NKAIN1: variants seen among roughly 807,000 people sequenced by gnomAD.
The protein encoded by NKAIN1 is sodium/potassium transporting ATPase interacting 1.
Under a neutral mutation model 31.6 loss-of-function variants are expected in NKAIN1, and 13 were observed. That is an observed-to-expected ratio of 0.41 (90% CI 0.27 to 0.65). NKAIN1 has a LOEUF of 0.65. NKAIN1 is among the 30% of genes least tolerant of loss of function. The probability of loss-of-function intolerance (pLI) is 0.30; values close to 1 mark genes in which losing one functional copy is unlikely to be tolerated. For synonymous variants in NKAIN1, 104 were observed against 109.0 expected (o/e 0.95, Z 0.28); for missense variants, 193 against 262.2 (o/e 0.74, Z 1.82).
intron 4 of NKAIN1, among the ~76,000 whole-genome samples, chr1:31,183,487 T>C (rs1645219453): frequency 6.9e-6 from 1 of 145,626 alleles, no homozygotes; most frequent in African/African-American, 2.6e-5. Context: ...TCGCTCTTGT[T>C]GCCCAGGCTA....
intron 1 of NKAIN1, among the ~76,000 whole-genome samples, chr1:31,205,558 A>C (rs61778329): frequency 0.75 from 112,690 of 150,036 alleles, 42,784 homozygotes; most frequent in Middle Eastern, 0.9. Flanking sequence ...CTGCCCGCCT[A>C]AGTCTCCCAA....
chr1:31,223,161 G>A lies in NKAIN1; in HGVS notation c.54+16333C>T, dbSNP rs183724997. On this transcript the variant is annotated intron_variant, in intron 1 of 6. Transcript: ENST00000373736. ...GGAGGCTGAGGTGGGTGGATCACCC[G>A]AGGTCAGGAGTTTGAGACCAGCCTG... 6.8e-4 allele frequency among the ~76,000 whole-genome samples: 103 copies of A among 152,200 alleles called. 1 individual carries two copies. Among genetic ancestry groups the A allele is most frequent in the African/African-American group, 2.3e-3 (96 of 41,552 alleles).
At chr1:31,220,003 A>ATTTT (rs11453918) in intron 1 of NKAIN1, among the ~76,000 whole-genome samples, 1 of 127,752 alleles carries the variant, frequency 7.8e-6, no homozygotes, top group Non-Finnish European at 1.6e-5. Context: ...GAACACTCAG[A>ATTTT]TTTTTTTTTT....
chr1:31,200,290 G>A (rs1570459852), intron 1 of NKAIN1, among the ~76,000 whole-genome samples: 1 of 152,156 alleles, frequency 6.6e-6, no homozygotes, highest in Admixed American at 6.5e-5. Flanking sequence ...AAACGCGTGC[G>A]ACTGTAAACA....
At chr1:31,223,884 T>C (rs1256259108) in intron 1 of NKAIN1, among the ~76,000 whole-genome samples, 1 of 152,246 alleles carries the variant, frequency 6.6e-6, no homozygotes, top group Non-Finnish European at 1.5e-5. Context: ...ACGAATGTTT[T>C]CTAGAAAGCA....
intron 1 of NKAIN1, among the ~76,000 whole-genome samples, chr1:31,218,011 TACC>T (rs1430276793): frequency 2.8e-5 from 4 of 144,118 alleles, no homozygotes; most frequent in Non-Finnish European, 6.1e-5. Flanking sequence ...TCACAGCAGC[TACC>T]ATTTTCTTTC....
chr1:31,203,041 A>G (rs569796869), intron 1 of NKAIN1, among the ~76,000 whole-genome samples: 21 of 150,232 alleles, frequency 1.4e-4, no homozygotes, highest in Admixed American at 6.1e-4. Flanking sequence ...TGGGAAGCCA[A>G]GGTGGGCGGA....
At chr1:31,218,514 G>A (rs6672915) in intron 1 of NKAIN1, among the ~76,000 whole-genome samples, 48,107 of 151,962 alleles carry the variant, frequency 0.32, 9,661 homozygotes, top group African/African-American at 0.57. Context: ...CTGAGCTCAG[G>A]GAGGCTGGGC....
intron 1 of NKAIN1, among the ~76,000 whole-genome samples, chr1:31,223,522 G>T (rs1234434045): frequency 1.3e-5 from 2 of 152,048 alleles, no homozygotes; most frequent in African/African-American, 4.8e-5. Flanking sequence ...TCCGCTTACT[G>T]CAAGCTCCAC....
intron 1 of NKAIN1, among the ~76,000 whole-genome samples, chr1:31,197,973 C>A (rs1307970802): frequency 6.6e-6 from 1 of 152,220 alleles, no homozygotes; most frequent in Non-Finnish European, 1.5e-5. Context: ...CCACCTCAGC[C>A]TCCTGAGTAG....
intron 1 of NKAIN1, among the ~76,000 whole-genome samples, chr1:31,191,848 C>T (rs569374622): frequency 2.0e-5 from 3 of 152,332 alleles, no homozygotes; most frequent in Admixed American, 2.0e-4. Context: ...GTGATCACAG[C>T]TCACTGTAAC....
At chr1:31,208,829 T>C (rs1645444983) in intron 1 of NKAIN1, among the ~76,000 whole-genome samples, 1 of 152,210 alleles carries the variant, frequency 6.6e-6, no homozygotes, top group Non-Finnish European at 1.5e-5. Flanking sequence ...TGTGGGTCTA[T>C]AACATGCTGT....
At chr1:31,212,164 T>C (rs1402257047) in intron 1 of NKAIN1, among the ~76,000 whole-genome samples, 1 of 152,126 alleles carries the variant, frequency 6.6e-6, no homozygotes, top group East Asian at 1.9e-4. Flanking sequence ...TATTGTCAAT[T>C]GATTTTCAAC....
At chr1:31,236,114 T>C (rs1645690604) in intron 1 of NKAIN1, among the ~76,000 whole-genome samples, 1 of 152,258 alleles carries the variant, frequency 6.6e-6, no homozygotes, top group African/African-American at 2.4e-5. Flanking sequence ...ATGACAAAAC[T>C]ATGTGGCTCA....
intron 1 of NKAIN1, among the ~76,000 whole-genome samples, chr1:31,224,612 G>A (rs1451987590): frequency 6.6e-6 from 1 of 152,204 alleles, no homozygotes; most frequent in Admixed American, 6.5e-5. Context: ...GACTGGTGGG[G>A]AATAAAAGGA....
intron 1 of NKAIN1, among the ~76,000 whole-genome samples, chr1:31,225,480 C>T (rs530398587): frequency 8.6e-5 from 13 of 152,026 alleles, no homozygotes; most frequent in South Asian, 8.4e-4. Flanking sequence ...AGGCACCCAC[C>T]GACATGCCTG....
At chr1:31,237,466 C>G (rs977656112) in intron 1 of NKAIN1, among the ~76,000 whole-genome samples, 1 of 151,808 alleles carries the variant, frequency 6.6e-6, no homozygotes, top group African/African-American at 2.4e-5. Flanking sequence ...AACAGGTTCA[C>G]CTTTGGGGAG....
chr1:31,200,661 A>G (rs1481084139), intron 1 of NKAIN1, among the ~76,000 whole-genome samples: 4 of 151,674 alleles, frequency 2.6e-5, no homozygotes, highest in Non-Finnish European at 5.9e-5. Flanking sequence ...GGGTCTCACT[A>G]TATTTCCCAG....
chr1:31,234,401 A>G (rs1248094120), intron 1 of NKAIN1, among the ~76,000 whole-genome samples: 2 of 151,936 alleles, frequency 1.3e-5, no homozygotes, highest in Non-Finnish European at 2.9e-5. Context: ...CAGGTTGACC[A>G]TGTTTCACAC....
Sources: allele counts gnomAD v4.1 joint callset (sites outside exome capture counted in the v4.1 genomes callset), GRCh38; gene constraint gnomAD v4.1.1; transcripts MANE v1.5; gene names NCBI Gene and HGNC (gene_info 2026-07-23, HGNC 2026-07-21).